The following MRPL1 variants were observed in gnomAD, a reference collection of about 807,000 sequenced individuals.
MRPL1 encodes large ribosomal subunit protein uL1m.
A neutral mutation model predicts 38.0 loss-of-function variants in MRPL1; 28 were observed. The ratio of observed to expected loss-of-function variants is 0.74; its 90% confidence interval spans 0.55 to 1.01. The LOEUF (loss-of-function observed/expected upper bound fraction) is 1.01. MRPL1 is among the 50% of genes least tolerant of loss of function. The probability of loss-of-function intolerance (pLI) is 0.00; values close to 1 mark genes in which losing one functional copy is unlikely to be tolerated. For missense variants in MRPL1, 358 were observed against 389.8 expected, an observed-to-expected ratio of 0.92 and a Z score of 0.69; for synonymous variants, 123 against 126.7, an observed-to-expected ratio of 0.97 and a Z score of 0.20.
At chr4:77,880,180 T>G (rs991598388) in intron 2 of MRPL1, among the ~76,000 whole-genome samples, 3 of 152,184 alleles carry the variant, frequency 2.0e-5, no homozygotes, top group Non-Finnish European at 2.9e-5. Flanking sequence ...TAGTCTGACA[T>G]GGATCTCACT....
chr4:77,945,991 G>A (rs533862619), intron 7 of MRPL1, among the ~76,000 whole-genome samples: 9 of 152,210 alleles, frequency 5.9e-5, no homozygotes, highest in East Asian at 3.9e-4. Flanking sequence ...AACAGGTTTC[G>A]AGAGCAGAGA....
chr4:77,896,149 CTTTT>C (rs527571244), intron 6 of MRPL1, among the ~76,000 whole-genome samples: 1 of 127,448 alleles, frequency 7.8e-6, no homozygotes, highest in African/African-American at 2.9e-5. Flanking sequence ...TTTTAGCTTC[CTTTT>C]TTTTTTTTTT....
intron 6 of MRPL1, among the ~76,000 whole-genome samples, chr4:77,894,461 A>G (rs542247497): frequency 2.3e-4 from 35 of 152,206 alleles, no homozygotes; most frequent in African/African-American, 8.2e-4. Flanking sequence ...TAGTTACTTT[A>G]TAATACCAGT....
intron 7 of MRPL1, among the ~76,000 whole-genome samples, chr4:77,913,198 A>G (rs1224263810): frequency 6.6e-6 from 1 of 152,072 alleles, no homozygotes; most frequent in East Asian, 1.9e-4. Context: ...AAAAGCTTCT[A>G]CTCTTTAAAA....
At chr4:77,925,104 A>G (rs1736681394) in intron 7 of MRPL1, among the ~76,000 whole-genome samples, 1 of 152,202 alleles carries the variant, frequency 6.6e-6, no homozygotes, top group African/African-American at 2.4e-5. Context: ...TACAGAAACT[A>G]GTAGGTATTC....
rs563161334 is a variant in MRPL1 at position 77,937,729 on chromosome 4, T to C, written c.778-12068T>C. On this transcript the variant is annotated intron_variant, in intron 7 of 8. Coordinates refer to ENST00000315567, the MANE Select transcript of MRPL1 (RefSeq NM_020236.4). Reference sequence around the variant, plus strand: ...ATTGTTGGCATCTTTCTTTAGAATATAGGGTACTGAATGCCTTTTTTCCTT... The same window carrying C: ...ATTGTTGGCATCTTTCTTTAGAATACAGGGTACTGAATGCCTTTTTTCCTT... Among the ~76,000 whole-genome samples the C allele has an allele frequency of 8.9e-4, 135 of 152,308 alleles. 6 individuals carry two copies. In the South Asian group the frequency reaches 0.027, roughly 30 times the overall value.
chr4:77,889,655 G>A (rs1735761868), intron 5 of MRPL1, among the ~76,000 whole-genome samples: 1 of 152,120 alleles, frequency 6.6e-6, no homozygotes, highest in Non-Finnish European at 1.5e-5. Flanking sequence ...AGGAGATAGA[G>A]ATACAAAAAA....
chr4:77,867,762 T>C (rs996991389), intron 1 of MRPL1, among the ~76,000 whole-genome samples: 3 of 145,912 alleles, frequency 2.1e-5, no homozygotes, highest in Non-Finnish European at 4.5e-5. Flanking sequence ...TTTTTTTTTT[T>C]TTTTTTTTTT....
At chr4:77,949,748 A>G (rs1276152708) in intron 7 of MRPL1, 49 bp from the exon 8 acceptor site, 1 of 1,241,040 alleles carries the variant, frequency 8.1e-7, no homozygotes, top group Non-Finnish European at 1.2e-6. Flanking sequence ...ATAATTTATT[A>G]TCTTCTTGCT....
intron 3 of MRPL1, among the ~76,000 whole-genome samples, chr4:77,884,464 A>G (rs1735627334): frequency 6.6e-6 from 1 of 152,252 alleles, no homozygotes; most frequent in Non-Finnish European, 1.5e-5. Context: ...TCTAGGCCTC[A>G]GGCCTCAATA....
intron 6 of MRPL1, among the ~76,000 whole-genome samples, chr4:77,900,921 T>G (rs541355082): frequency 6.6e-6 from 1 of 151,534 alleles, no homozygotes; most frequent in African/African-American, 2.4e-5. Context: ...GTAGTGGCAG[T>G]GAAGACAGAT....
chr4:77,886,090 T>C (rs922044442), intron 4 of MRPL1, among the ~76,000 whole-genome samples: 1 of 152,302 alleles, frequency 6.6e-6, no homozygotes, highest in Middle Eastern at 3.4e-3. Context: ...TTATAATGTG[T>C]TTATGATTTT....
At chr4:77,869,260 G>A (rs535984887) in intron 1 of MRPL1, among the ~76,000 whole-genome samples, 55 of 152,290 alleles carry the variant, frequency 3.6e-4, no homozygotes, top group African/African-American at 1.3e-3. Context: ...CCACGGGGTG[G>A]GAGAGATTTT....
chr4:77,905,694 C>T (rs1309196316), intron 6 of MRPL1, among the ~76,000 whole-genome samples: 2 of 152,050 alleles, frequency 1.3e-5, no homozygotes, highest in Middle Eastern at 3.2e-3. Context: ...CAATCTATCA[C>T]CTTTTTTCTA....
chr4:77,867,947 G>C (rs1022678329), intron 1 of MRPL1, among the ~76,000 whole-genome samples: 6 of 151,476 alleles, frequency 4.0e-5, no homozygotes, highest in Non-Finnish European at 8.8e-5. Flanking sequence ...TAGTAGAGAC[G>C]GGGTTTCACC....
intron 8 of MRPL1, among the ~76,000 whole-genome samples, chr4:77,951,703 C>G (rs891264801): frequency 6.6e-6 from 1 of 152,174 alleles, no homozygotes; most frequent in Non-Finnish European, 1.5e-5. Flanking sequence ...TGCATGTTCT[C>G]CTCATGTCTG....
intron 7 of MRPL1, among the ~76,000 whole-genome samples, chr4:77,945,155 T>TATTATA (rs1737227851): frequency 1.4e-5 from 2 of 145,962 alleles, no homozygotes; most frequent in Non-Finnish European, 3.0e-5. Context: ...TTATTATTAT[T>TATTATA]ATTATTATTA....
At chr4:77,949,551 G>T (rs900968332) in intron 7 of MRPL1, among the ~76,000 whole-genome samples, 1 of 152,086 alleles carries the variant, frequency 6.6e-6, no homozygotes, top group Admixed American at 6.6e-5. Context: ...GGAAGTCAAG[G>T]ATTCTCAAGT....
Position 77,952,503 on chromosome 4 carries a change from C to T in MRPL1, c.874C>T (p.Arg292Cys), listed in dbSNP as rs1328292633. 9.3e-6 allele frequency: 15 copies of T among 1,611,812 alleles called. No homozygotes were observed. The highest frequency in any genetic ancestry group is 6.7e-5 in the East Asian group (3 of 44,726). Reference sequence around the variant, plus strand: ...TTTGTTTCCAGGTCCCTTTGTGGTACGTGCTTTCCTTCGTAGTTCAACAAG... The same window carrying T: ...TTTGTTTCCAGGTCCCTTTGTGGTATGTGCTTTCCTTCGTAGTTCAACAAG... ...RPLNLGPFVVRAFLRSSTSEG... is the reference protein window; with the variant it reads ...RPLNLGPFVVCAFLRSSTSEG... Residue 292 changes from arginine (R) to cysteine (C), a missense_variant, in exon 9 of 9, where the codon CGT (arginine) becomes TGT (cysteine). By Grantham distance (180) the Arg-to-Cys change is radical. Coordinates refer to ENST00000315567, the MANE Select transcript of MRPL1 (RefSeq NM_020236.4).
Sources: allele counts gnomAD v4.1 joint callset (sites outside exome capture counted in the v4.1 genomes callset), GRCh38; gene constraint gnomAD v4.1.1; transcripts MANE v1.5; gene names NCBI Gene and HGNC (gene_info 2026-07-23, HGNC 2026-07-21).